LRP1B: variants seen among roughly 807,000 people sequenced by gnomAD.
The protein encoded by LRP1B is LDL receptor related protein 1B, also known as low-density lipoprotein receptor-related protein 1B.
Under a neutral mutation model 556.6 loss-of-function variants are expected in LRP1B, and 217 were observed. That is an observed-to-expected ratio of 0.39 (90% CI 0.35 to 0.44). The LOEUF (loss-of-function observed/expected upper bound fraction) is 0.44, where lower values mean the gene tolerates loss of function less well. Ranked by LOEUF, LRP1B falls within the 20% of genes least tolerant of loss-of-function variation. The pLI is 1.00. For synonymous variants in LRP1B, 2,047 were observed against 1,865.8 expected (o/e 1.10, Z -2.50); for missense variants, 5,053 against 5,620.8 (o/e 0.90, Z 3.23).
At chr2:141,803,090 A>G (rs1006310135) in intron 2 of LRP1B, among the ~76,000 whole-genome samples, 6 of 151,288 alleles carry the variant, frequency 4.0e-5, no homozygotes, top group Admixed American at 6.7e-5. Context: ...TTATTCTGTG[A>G]CCTGTGGTCT....
intron 11 of LRP1B, among the ~76,000 whole-genome samples, chr2:141,037,871 T>C (rs188696841): frequency 6.6e-6 from 1 of 151,014 alleles, no homozygotes; most frequent in East Asian, 2.0e-4. Flanking sequence ...CACAGACACA[T>C]GCGCACGTGC....
intron 2 of LRP1B, among the ~76,000 whole-genome samples, chr2:141,651,718 C>T (rs1356035969): frequency 1.3e-5 from 2 of 152,062 alleles, no homozygotes; most frequent in African/African-American, 4.8e-5. Flanking sequence ...TTCTTTATTG[C>T]TTATCTGAAA....
chr2:141,487,015 C>T (rs1683146395), intron 2 of LRP1B, among the ~76,000 whole-genome samples: 2 of 152,136 alleles, frequency 1.3e-5, no homozygotes, highest in South Asian at 4.1e-4. Context: ...ACCATTCTTT[C>T]TCAGGCCTCT....
At chr2:141,887,207 G>T (rs931059522) in intron 1 of LRP1B, among the ~76,000 whole-genome samples, 1 of 151,994 alleles carries the variant, frequency 6.6e-6, no homozygotes, top group Non-Finnish European at 1.5e-5. Flanking sequence ...TGTTGGCCAG[G>T]CTGGTCTCGA....
chr2:140,815,291 ATC>A (rs1339687232), intron 31 of LRP1B, among the ~76,000 whole-genome samples: 1 of 151,604 alleles, frequency 6.6e-6, no homozygotes, highest in Non-Finnish European at 1.5e-5. Context: ...AAATGCATTT[ATC>A]TCTATGGATT....
intron 14 of LRP1B, among the ~76,000 whole-genome samples, chr2:141,012,155 A>G (rs1219145742): frequency 6.6e-6 from 1 of 152,042 alleles, no homozygotes; most frequent in Non-Finnish European, 1.5e-5. Context: ...ATTTTTCACT[A>G]CACACGTTGC....
Position 141,096,636 on chromosome 2 carries a change from GAGAGA to G in LRP1B, c.1014-34368_1014-34364del, listed in dbSNP as rs1558858207. The stretch of plus-strand genomic sequence containing the variant: ...ACAAAGACGGGGAGAGGGGGAGAGA[GAGAGA>G]GAGAGAGAGAGAGAGAGAGAGAGAG... On this transcript the variant is annotated intron_variant, in intron 7 of 90. Coordinates refer to ENST00000389484, the MANE Select transcript of LRP1B (RefSeq NM_018557.3). Among the ~76,000 whole-genome samples, 30 of 58,738 alleles carry G rather than the reference GAGAGA, an allele frequency of 5.1e-4. 1 individual carries two copies. Among genetic ancestry groups the G allele is most frequent in the African/African-American group, 1.8e-3 (30 of 16,368 alleles). The allele number at this position is 58,738 out of a possible 152,430, so 38.5% of individuals were successfully genotyped here.
chr2:141,142,037 T>A (rs568712843), intron 7 of LRP1B, among the ~76,000 whole-genome samples: 2 of 151,818 alleles, frequency 1.3e-5, no homozygotes, highest in African/African-American at 4.8e-5. Context: ...ACACCTACAG[T>A]TATTGATTCT....
chr2:140,423,527 ATTAT>A (rs202015996), intron 66 of LRP1B, among the ~76,000 whole-genome samples: 2,523 of 152,238 alleles, frequency 0.017, 23 homozygotes, highest in Middle Eastern at 0.065. Flanking sequence ...CTATTTAATA[ATTAT>A]TTATTCATCC....
intron 18 of LRP1B, among the ~76,000 whole-genome samples, chr2:140,978,051 A>G (rs923792713): frequency 2.6e-5 from 4 of 152,142 alleles, no homozygotes; most frequent in African/African-American, 7.2e-5. Flanking sequence ...TGCATCACCA[A>G]TTTACAAATT....
At chr2:140,461,795 T>C (rs964183473) in intron 60 of LRP1B, among the ~76,000 whole-genome samples, 2 of 151,702 alleles carry the variant, frequency 1.3e-5, no homozygotes, top group Admixed American at 6.6e-5. Context: ...GATCGCGCCA[T>C]TGCACTCAAG....
intron 1 of LRP1B, among the ~76,000 whole-genome samples, chr2:141,984,729 C>T (rs1357265478): frequency 1.3e-5 from 2 of 151,920 alleles, no homozygotes; most frequent in East Asian, 1.9e-4. Context: ...TTTAAAACAT[C>T]GTCTTATTTT....
chr2:140,363,532 A>G (rs1296229046), intron 72 of LRP1B, among the ~76,000 whole-genome samples: 1 of 151,622 alleles, frequency 6.6e-6, no homozygotes, highest in Non-Finnish European at 1.5e-5. Context: ...AAGCTCTCAT[A>G]TTGTTAAATA....
intron 3 of LRP1B, among the ~76,000 whole-genome samples, chr2:141,298,693 G>A (rs934020819): frequency 5.3e-5 from 8 of 151,978 alleles, no homozygotes; most frequent in African/African-American, 1.9e-4. Flanking sequence ...GGTGGCTCAC[G>A]CCTGTAATAC....
chr2:141,114,188 C>T (rs533625662), intron 7 of LRP1B, among the ~76,000 whole-genome samples: 1 of 152,210 alleles, frequency 6.6e-6, no homozygotes, highest in East Asian at 1.9e-4. Context: ...CCAGGGCAAC[C>T]TCTTTTGGGC....
chr2:141,660,496 G>T (rs911232240), intron 2 of LRP1B, among the ~76,000 whole-genome samples: 1 of 152,080 alleles, frequency 6.6e-6, no homozygotes, highest in East Asian at 1.9e-4. Context: ...CTGGTGCCGC[G>T]GAAACTGGGC....
intron 32 of LRP1B, among the ~76,000 whole-genome samples, chr2:140,789,039 A>G (rs1221217304): frequency 6.6e-6 from 1 of 152,166 alleles, no homozygotes; most frequent in Non-Finnish European, 1.5e-5. Flanking sequence ...GCTGTGAAAA[A>G]TAATGTCTAT....
intron 2 of LRP1B, among the ~76,000 whole-genome samples, chr2:141,809,179 C>G (rs907541797): frequency 6.6e-6 from 1 of 152,004 alleles, no homozygotes; most frequent in Non-Finnish European, 1.5e-5. Flanking sequence ...TAAAGCGAAG[C>G]AATTCCTGCA....
intron 43 of LRP1B, among the ~76,000 whole-genome samples, chr2:140,576,904 T>C (rs1329042137): frequency 6.6e-6 from 1 of 152,216 alleles, no homozygotes; most frequent in Non-Finnish European, 1.5e-5. Context: ...TTGCTTTTTC[T>C]AGTCTAGATG....
Sources: gnomAD v4.1 joint callset for allele counts (sites outside exome capture counted in the v4.1 genomes callset) on GRCh38, gnomAD v4.1.1 for gene constraint, MANE v1.5 for transcripts, NCBI Gene and HGNC (gene_info 2026-07-23, HGNC 2026-07-21) for gene names.